Variants in TTN observed in about 807,000 individuals in gnomAD.
TTN encodes the protein titin.
A neutral mutation model predicts 3,223.0 loss-of-function variants in TTN; 1,525 were observed. That is an observed-to-expected ratio of 0.47 (90% confidence interval 0.45 to 0.49). The LOEUF is 0.49. TTN is among the 20% of genes least tolerant of loss of function. The pLI is 0.00. For synonymous variants in TTN, 14,094 were observed against 15,161.0 expected (o/e 0.93, Z 5.17); for missense variants, 40,786 against 43,424.0 (o/e 0.94, Z 5.40).
chr2:178,694,119 T>G, intron 117 of TTN, 111 bp from the exon 118 acceptor site: 1 of 781,240 alleles, frequency 1.3e-6, no homozygotes, highest in Non-Finnish European at 2.0e-6. Context: ...TGGGTTAATA[T>G]GGTAGCTTGA....
In TTN at chr2:178,599,197, C is replaced by A; in HGVS notation, c.56596G>T (p.Gly18866Cys). ...TCACTGTCAAGAGGTTCTCCAATGC[C>A]ATATTTATTCTGGGCCATGATTCGG... ...VFRIMAQNKY[G>C]IGEPLDSEPE... Residue 18866 changes from glycine to cysteine, a missense_variant, in exon 290 of 363, where the codon GGC (glycine) becomes TGC (cysteine). By Grantham distance (159) the Gly-to-Cys change is radical. Coordinates refer to ENST00000589042, the MANE Select transcript of TTN (RefSeq NM_001267550.2). 6.6e-7 allele frequency: 1 copy of A among 1,513,466 alleles called. No homozygotes were observed. Among genetic ancestry groups the A allele is most frequent in the Non-Finnish European group, 8.8e-7 (1 of 1,135,630 alleles). The allele number at this position is 1,513,466 out of a possible 1,614,324, so 93.8% of individuals were successfully genotyped here.
chr2:178,535,786 C>A lies in TTN; in HGVS notation c.100829G>T (p.Gly33610Val), dbSNP rs373754986. 4 of 1,612,502 alleles carry A rather than the reference C, an allele frequency of 2.5e-6. No individual in the cohort carries two copies. The Admixed American group carries it at 6.7e-5, about 27-fold the overall frequency. ...AGGAATCTTGATGCTGACCACTTCA[C>A]CTCGGAGAGCATGAACTGCTCCCAT... ...EGMGAVHALR[G>V]EVVSIKIPFS... Residue 33610 changes from glycine to valine, a missense_variant, in exon 358 of 363, where the codon GGT becomes GTT. Transcript: ENST00000589042.
chr2:178,773,965 A>G lies in TTN; in HGVS notation c.7203T>C (p.Val2401=), dbSNP rs1345996453. The change falls in exon 31 of 363, where the codon GTT becomes GTC. Residue 2401 remains valine, a synonymous_variant. Coordinates refer to ENST00000589042, the MANE Select transcript of TTN (RefSeq NM_001267550.2). ...DGQEVQPSDR[V]HIVIDKQSHM... ...GAGATTGTTTGTCTATCACAATGTG[A>G]ACCCTGTCACTGGGCTGCACTTCTT... 2 of 1,614,058 alleles carry G rather than the reference A, an allele frequency of 1.2e-6. No individual in the cohort carries two copies. Among genetic ancestry groups the G allele is most frequent in the Middle Eastern group, 1.6e-4 (1 of 6,062 alleles).
chr2:178,558,726 TA>T (rs1702440451), intron 326 of TTN, 89 bp from the exon 327 acceptor site: 1 of 1,333,304 alleles, frequency 7.5e-7, no homozygotes. Context: ...AGAAAACTTT[TA>T]AATGAAGGCC....
In TTN at chr2:178,709,874, GAT is replaced by G. The variant is rs769617035; in HGVS notation, c.28463-20_28463-19del. On this transcript the variant is annotated intron_variant, in intron 98 of 362. Transcript: ENST00000589042. ...GAGCCGCTCTATAAGAAATTGCAAG[GAT>G]ATATGAAGTAGAAGCTAGAAGCAGA... is the stretch of plus-strand genomic sequence containing the variant. 4.5e-5 allele frequency: 72 copies of G among 1,587,410 alleles called. No individual in the cohort carries two copies. Among genetic ancestry groups the G allele is most frequent in the Non-Finnish European group, 5.9e-5 (69 of 1,165,536 alleles).
At position 178,584,739 on chromosome 2, in the gene TTN, G is replaced by A. The variant is rs1451008262; in HGVS notation, c.64902C>T (p.Val21634=). The part of the protein sequence containing the change: ...LIPGQEYIFR[V]RAENRFGISE... Reference sequence around the variant, plus strand: ...AAATGCCAAATCGGTTTTCAGCACGGACCCGGAAGATGTACTCCTGGCCTG... The same window carrying A: ...AAATGCCAAATCGGTTTTCAGCACGAACCCGGAAGATGTACTCCTGGCCTG... Residue 21634 remains valine (V), a synonymous_variant, in exon 310 of 363, where the codon GTC becomes GTT. Transcript: ENST00000589042. 6.2e-7 allele frequency: 1 copy of A among 1,613,466 alleles called. No homozygotes were observed. The highest frequency in any genetic ancestry group is 1.7e-5 in the Admixed American group (1 of 59,982).
At chr2:178,744,596 T>G (rs1163780429) in intron 47 of TTN, 1 of 922,694 alleles carries the variant, frequency 1.1e-6, no homozygotes, top group African/African-American at 1.8e-5. Context: ...AAGATGAAAT[T>G]CAGTGAAACT....
In TTN at chr2:178,573,820, C is replaced by G. The variant is rs763710399; in HGVS notation, c.72312G>C (p.Ala24104=). ...RRDSGAYTLT[A]TNPGGFAKHI... is the part of the protein sequence containing the mutation. The stretch of plus-strand genomic sequence containing the variant: ...GTTTAGCAAAGCCACCAGGATTAGT[C>G]GCTGTAAGGGTATAGGCACCACTAT... The change falls in exon 326 of 363, where the codon GCG becomes GCC. Residue 24104 remains alanine, a synonymous_variant. Transcript: ENST00000589042. 1 of 1,611,432 alleles carries G rather than the reference C, an allele frequency of 6.2e-7. No homozygotes were observed. The highest frequency in any genetic ancestry group is 1.3e-5 in the African/African-American group (1 of 74,816).
chr2:178,742,378 T>C (rs1429409729), intron 47 of TTN, among the ~76,000 whole-genome samples: 1 of 152,168 alleles, frequency 6.6e-6, no homozygotes. Context: ...AAACCATTGA[T>C]GTTCTAATTA....
chr2:178,733,121 T>A lies in TTN; in HGVS notation c.16055A>T (p.Asp5352Val). 17 of 1,585,194 alleles carry A rather than the reference T, an allele frequency of 1.1e-5. No homozygotes were observed. Among genetic ancestry groups the A allele is most frequent in the Non-Finnish European group, 1.5e-5 (17 of 1,164,060 alleles). ...GGTAAAAAATGGAGCAATGTCTCGA[T>A]CTGTGTGTTGCACAAGAAGGGAGAA... Reference protein sequence around the residue: ...SSCETTFTVLDRDIAPFFTKP... With the variant: ...SSCETTFTVLVRDIAPFFTKP... Residue 5352 changes from aspartate to valine, a missense_variant and splice_region_variant, in exon 55 of 363, where the codon GAT becomes GTT. Physicochemically the swap from Asp to Val is radical, Grantham distance 152. Transcript: ENST00000589042.
chr2:178,539,642 A>C lies in TTN; in HGVS notation c.98423T>G (p.Ile32808Ser). 1 of 1,613,732 alleles carries C rather than the reference A, an allele frequency of 6.2e-7. No individual in the cohort carries two copies. The highest frequency in any genetic ancestry group is 8.5e-7 in the Non-Finnish European group (1 of 1,179,794). Residue 32808 changes from isoleucine to serine, a missense_variant, in exon 352 of 363, where the codon ATC becomes AGC. By Grantham distance (142) the Ile-to-Ser change is moderately radical. Transcript: ENST00000589042. ...GCTGACCCTCACAGAGCGGACTTGG[A>C]TGTCATCATATTCCAGTGGCCCTTC... ...SPEGPLEYDD[I>S]QVRSVRVSWR...
chr2:178,749,582 TG>T (rs2084793622), intron 47 of TTN: 1 of 1,612,306 alleles, frequency 6.2e-7, no homozygotes, highest in Admixed American at 1.7e-5. Flanking sequence ...TTGCAGTTGC[TG>T]ATCTCTGGAA....
chr2:178,791,397 A>C (rs934929572), intron 10 of TTN, among the ~76,000 whole-genome samples: 1 of 152,178 alleles, frequency 6.6e-6, no homozygotes, highest in African/African-American at 2.4e-5. Context: ...CCTCTTTGAC[A>C]TGGAAGAATT....
intron 47 of TTN, chr2:178,747,631 G>A (rs770093518): frequency 1.2e-6 from 2 of 1,613,230 alleles, no homozygotes; most frequent in East Asian, 4.5e-5. Context: ...CCTGGTCTCT[G>A]GTGTCTTTAG....
rs1356638813 is a variant in TTN at position 178,589,711 on chromosome 2, G to C, written c.62014C>G (p.Pro20672Ala). 2 of 1,613,536 alleles carry C rather than the reference G, an allele frequency of 1.2e-6. No individual in the cohort carries two copies. Among genetic ancestry groups the C allele is most frequent in the Admixed American group, 1.7e-5 (1 of 59,998 alleles). ...AINPIDRPGE[P>A]ENLHIADKGK... is the part of the protein sequence containing the mutation. ...TTATCTGCAATGTGAAGGTTTTCAG[G>C]CTCACCTGGTCTGTCAATAGGGTTA... The change falls in exon 304 of 363, where the codon CCT becomes GCT. Residue 20672 changes from proline to alanine, a missense_variant. Physicochemically the swap from Pro to Ala is conservative, Grantham distance 27 (BLOSUM62 -1). Coordinates refer to ENST00000589042, the MANE Select transcript of TTN (RefSeq NM_001267550.2).
At position 178,739,151 on chromosome 2, in the gene TTN, T is replaced by C. The variant is rs746029763; in HGVS notation, c.14082A>G (p.Val4694=). The C allele has an allele frequency of 1.3e-6, 2 of 1,510,476 alleles. No individual in the cohort carries two copies. Among genetic ancestry groups the C allele is most frequent in the African/African-American group, 1.4e-5 (1 of 71,644 alleles). The allele number at this position is 1,510,476 out of a possible 1,614,324, so 93.6% of individuals were successfully genotyped here. Residue 4694 remains valine, a synonymous_variant, in exon 48 of 363, where the codon GTA becomes GTG. Coordinates refer to ENST00000589042, the MANE Select transcript of TTN (RefSeq NM_001267550.2). The part of the protein sequence containing the change: ...GKTATSAKLT[V]VKRAAPVIKR... ...TCCTTAAAATCCAACCTCTTTTTACTACAGTGAGTTTGGCTGAAGTTGCTG... is the reference window on the plus strand; with the variant it reads ...TCCTTAAAATCCAACCTCTTTTTACCACAGTGAGTTTGGCTGAAGTTGCTG...
chr2:178,701,419 T>A (rs2251987), intron 110 of TTN, 109 bp downstream of exon 110: 2 of 1,211,252 alleles, frequency 1.7e-6, no homozygotes, highest in Non-Finnish European at 2.3e-6. Flanking sequence ...ACATGGAAGG[T>A]TTTGTTCTGA....
chr2:178,600,257 CTG>C (rs995657336), intron 288 of TTN, among the ~76,000 whole-genome samples: 6 of 151,708 alleles, frequency 4.0e-5, no homozygotes, highest in African/African-American at 1.5e-4. Flanking sequence ...AGAAATATAA[CTG>C]TTAATAAAAG....
chr2:178,782,853 A>G lies in TTN; in HGVS notation c.3053T>C (p.Val1018Ala), dbSNP rs878967057. 6.2e-7 allele frequency: 1 copy of G among 1,613,772 alleles called. No individual in the cohort carries two copies. The highest frequency in any genetic ancestry group is 8.5e-7 in the Non-Finnish European group (1 of 1,179,928). ...TGTGCTGACGGTTCCAGCCTCATTT[A>G]CAGCACTGCAAGTAAATCGCCCGCT... ...EDSGRFTCSA[V>A]NEAGTVSTSC... The change falls in exon 18 of 363, where the codon GTA (valine) becomes GCA (alanine). Residue 1018 changes from valine to alanine, a missense_variant. By Grantham distance (64) the Val-to-Ala change is moderately conservative. Transcript: ENST00000589042.
Sources: allele counts gnomAD v4.1 joint callset (sites outside exome capture counted in the v4.1 genomes callset), GRCh38; gene constraint gnomAD v4.1.1; transcripts MANE v1.5; gene names NCBI Gene and HGNC (gene_info 2026-07-23, HGNC 2026-07-21).